Variants in KDELR2 observed in about 807,000 individuals in gnomAD.
The protein encoded by KDELR2 is ER lumen protein-retaining receptor 2.
A neutral mutation model predicts 23.9 loss-of-function variants in KDELR2; 15 were observed. The ratio of observed to expected loss-of-function variants is 0.63; its 90% confidence interval spans 0.42 to 0.97. KDELR2 has a LOEUF of 0.97. Ranked by LOEUF, KDELR2 falls within the 50% of genes least tolerant of loss-of-function variation. KDELR2 has a pLI of 0.00. For missense variants in KDELR2, 272 were observed against 254.6 expected (o/e 1.07, Z -0.46); for synonymous variants, 119 against 106.2 (o/e 1.12, Z -0.74).
intron 3 of KDELR2, among the ~76,000 whole-genome samples, 188 bp from the exon 4 acceptor site, chr7:6,466,511 G>A (rs1021076768): frequency 2.0e-5 from 3 of 152,038 alleles, no homozygotes; most frequent in African/African-American, 4.8e-5. Flanking sequence ...ACCAGTGATC[G>A]GTTTCATAGA....
intron 3 of KDELR2, among the ~76,000 whole-genome samples, chr7:6,468,928 G>T (rs1037533691): frequency 6.6e-6 from 1 of 151,208 alleles, no homozygotes; most frequent in African/African-American, 2.4e-5. Context: ...GGTGTGGTGA[G>T]CCACCAGGCC....
At chr7:6,481,635 G>A (rs1024811465) in intron 1 of KDELR2, among the ~76,000 whole-genome samples, 11 of 152,030 alleles carry the variant, frequency 7.2e-5, no homozygotes, top group Admixed American at 3.3e-4. Context: ...AGGGAGGATC[G>A]CTTGAGCCCA....
At chr7:6,480,849 A>G (rs966558458) in intron 1 of KDELR2, among the ~76,000 whole-genome samples, 3 of 152,222 alleles carry the variant, frequency 2.0e-5, no homozygotes, top group African/African-American at 7.2e-5. Flanking sequence ...TTAATTCTGA[A>G]TAAATGATCT....
chr7:6,461,188 G>T lies in KDELR2; in HGVS notation c.*1953C>A, dbSNP rs987562061. 9 of 152,160 alleles carry T rather than the reference G, an allele frequency of 5.9e-5. No individual in the cohort carries two copies. Among genetic ancestry groups the T allele is most frequent in the African/African-American group, 2.2e-4 (9 of 41,426 alleles). The allele number at this position is 152,160 out of a possible 1,614,324, so 9.4% of individuals were successfully genotyped here. On this transcript the variant is annotated 3_prime_UTR_variant, in exon 5 of 5. Transcript: ENST00000258739. ...GGCCTTGGTTTCCAACGCCGGCGAG[G>T]ATGAGGCCCAGTCCCACACTCCCTC...
intron 1 of KDELR2, among the ~76,000 whole-genome samples, chr7:6,477,928 T>C (rs187784339): frequency 6.6e-6 from 1 of 152,138 alleles, no homozygotes; most frequent in Non-Finnish European, 1.5e-5. Flanking sequence ...TCATAATGTA[T>C]CAATTAAAAA....
At chr7:6,463,874 A>C (rs1785441020) in intron 4 of KDELR2, among the ~76,000 whole-genome samples, 1 of 151,714 alleles carries the variant, frequency 6.6e-6, no homozygotes, top group African/African-American at 2.4e-5. Context: ...CAGCCTAGCC[A>C]ACATGGTGAA....
intron 1 of KDELR2, among the ~76,000 whole-genome samples, chr7:6,475,814 T>C (rs1785738097): frequency 1.3e-5 from 2 of 152,262 alleles, no homozygotes; most frequent in Non-Finnish European, 2.9e-5. Flanking sequence ...TAATGCATAC[T>C]TCACACCACT....
In KDELR2 at chr7:6,484,089, CGGCGGCCCCGGGGCTGGGCGGCTCAGGA is replaced by C. The variant is rs902306918; in HGVS notation, c.-60_-33del. ...GGCGGCGGTGGCGGTCGGCGCAGCG[CGGCGGCCCCGGGGCTGGGCGGCTCAGGA>C]GGCGGCGGCCCCTGAGAGGAAGCGG... is the stretch of plus-strand genomic sequence containing the variant. On this transcript the variant is annotated 5_prime_UTR_variant, in exon 1 of 5. Coordinates refer to ENST00000258739, the MANE Select transcript of KDELR2 (RefSeq NM_006854.4). The C allele has an allele frequency of 7.0e-7, 1 of 1,422,556 alleles. No homozygotes were observed. The highest frequency in any genetic ancestry group is 1.5e-5 in the African/African-American group (1 of 67,280). The allele number at this position is 1,422,556 out of a possible 1,614,324, so 88.1% of individuals were successfully genotyped here. A position where few individuals can be genotyped will look rare whatever the true frequency, so the allele number is the denominator to read the frequency against.
At chr7:6,465,487 GTTTT>G (rs386709830) in intron 4 of KDELR2, among the ~76,000 whole-genome samples, 3 of 73,140 alleles carry the variant, frequency 4.1e-5, no homozygotes, top group Non-Finnish European at 9.6e-5. Flanking sequence ...TGGCATAAAT[GTTTT>G]TTTTTTTCTG....
At position 6,462,854 on chromosome 7, in the gene KDELR2, T is replaced by G. The variant is rs192207280; in HGVS notation, c.*287A>C. 6.9e-4 allele frequency: 653 copies of G among 952,402 alleles called. 8 individuals carry two copies. The Admixed American group carries it at 0.019, about 28-fold the overall frequency. 59.0% of individuals were successfully genotyped at this position (952,402 alleles called of 1,614,324 possible). On this transcript the variant is annotated 3_prime_UTR_variant, in exon 5 of 5. Coordinates refer to ENST00000258739, the MANE Select transcript of KDELR2 (RefSeq NM_006854.4). ...ACTTATTCCTCACAAAATCTTCACT[T>G]TTGGAACTATCCCAATTGAAGCTAC...
At chr7:6,466,011 C>T in intron 4 of KDELR2, 60 bp downstream of exon 4, 1 of 1,572,468 alleles carries the variant, frequency 6.4e-7, no homozygotes. Context: ...GAGTGCTGGG[C>T]AAGGGCACTC....
In KDELR2 at chr7:6,474,211, A is replaced by C; in HGVS notation, c.165T>G (p.Phe55Leu). ...TTRYLDLFTS[F>L]ISLYNTSMKV... ...TCATAGATGTGTTATACAATGAAATAAATGAAGTAAAAAGATCCAGGTAAC... is the reference window on the plus strand; with the variant it reads ...TCATAGATGTGTTATACAATGAAATCAATGAAGTAAAAAGATCCAGGTAAC... The change falls in exon 2 of 5, where the codon TTT (phenylalanine) becomes TTG (leucine). Residue 55 changes from phenylalanine (F) to leucine (L), a missense_variant. Physicochemically the swap from Phe to Leu is conservative, Grantham distance 22. Transcript: ENST00000258739. 6.2e-7 allele frequency: 1 copy of C among 1,612,866 alleles called. No homozygotes were observed. Among genetic ancestry groups the C allele is most frequent in the Non-Finnish European group, 8.5e-7 (1 of 1,178,812 alleles).
chr7:6,483,760 G>C (rs887818264), intron 1 of KDELR2, among the ~76,000 whole-genome samples: 16 of 152,122 alleles, frequency 1.1e-4, no homozygotes, highest in African/African-American at 3.4e-4. Flanking sequence ...TGCAGAGCGG[G>C]GTCCCGCGCT....
chr7:6,469,494 A>T (rs1163506483), intron 3 of KDELR2, 102 bp downstream of exon 3: 3 of 1,088,946 alleles, frequency 2.8e-6, no homozygotes, highest in Non-Finnish European at 4.0e-6. Flanking sequence ...TGACCTCATG[A>T]TCCACCCAAA....
At chr7:6,478,511 T>C (rs1785804751) in intron 1 of KDELR2, among the ~76,000 whole-genome samples, 1 of 152,174 alleles carries the variant, frequency 6.6e-6, no homozygotes, top group Non-Finnish European at 1.5e-5. Context: ...CTTTCGTTAT[T>C]CTTCAGTGAA....
At chr7:6,475,588 C>G (rs985919602) in intron 1 of KDELR2, among the ~76,000 whole-genome samples, 21 of 152,306 alleles carry the variant, frequency 1.4e-4, no homozygotes, top group African/African-American at 5.1e-4. Flanking sequence ...CTTCCAACCA[C>G]CAACCCACCT....
chr7:6,468,975 G>A (rs1423443543), intron 3 of KDELR2, among the ~76,000 whole-genome samples: 10 of 148,798 alleles, frequency 6.7e-5, no homozygotes, highest in South Asian at 2.1e-4. Context: ...TTTGAGAGAC[G>A]GAGTCTTACT....
intron 3 of KDELR2, 64 bp from the exon 4 acceptor site, chr7:6,466,387 TCTTG>T (rs1785505298): frequency 6.3e-7 from 1 of 1,574,860 alleles, no homozygotes; most frequent in African/African-American, 1.4e-5. Context: ...GAGGAAACAC[TCTTG>T]CTTTCTTTAC....
rs1414991049 is a variant in KDELR2, at chr7:6,463,140, C to T, written c.*1G>A. ...CAGATGCTGGTGATGGTCTTTGGCA[C>T]TTATGCTGGCAAACTGAGCTTCTTT... On this transcript the variant is annotated 3_prime_UTR_variant, in exon 5 of 5. Coordinates refer to ENST00000258739, the MANE Select transcript of KDELR2 (RefSeq NM_006854.4). The T allele has an allele frequency of 1.2e-6, 2 of 1,613,898 alleles. No homozygotes were observed. Among genetic ancestry groups the T allele is most frequent in the African/African-American group, 1.3e-5 (1 of 74,910 alleles).
Sources: allele counts gnomAD v4.1 joint callset (sites outside exome capture counted in the v4.1 genomes callset), GRCh38; gene constraint gnomAD v4.1.1; transcripts MANE v1.5; gene names NCBI Gene and HGNC (gene_info 2026-07-23, HGNC 2026-07-21).